AIG1: variants seen among roughly 807,000 people sequenced by gnomAD.
AIG1 encodes androgen induced 1, also known as androgen-induced gene 1 protein.
A neutral mutation model predicts 31.4 loss-of-function variants in AIG1; 23 were observed. That is an observed-to-expected ratio of 0.73 (90% CI 0.53 to 1.04). The LOEUF is 1.04. Ranked by LOEUF, AIG1 falls within the 50% of genes least tolerant of loss-of-function variation. AIG1 has a pLI of 0.00. For missense variants in AIG1, 274 were observed against 295.0 expected, an observed-to-expected ratio of 0.93 and a Z score of 0.52; for synonymous variants, 100 against 110.5, an observed-to-expected ratio of 0.90 and a Z score of 0.60.
intron 3 of AIG1, chr6:143,188,774 A>G (rs1363501965): frequency 2.0e-6 from 2 of 985,322 alleles, no homozygotes; most frequent in Non-Finnish European, 2.4e-6. Flanking sequence ...TAATCCTGGG[A>G]AACATACATC....
In AIG1 at chr6:143,293,989, A is replaced by G. The variant is rs1277005089; in HGVS notation, c.515+9764A>G. 6.6e-6 allele frequency among the ~76,000 whole-genome samples: 1 copy of G among 152,114 alleles called. No individual in the cohort carries two copies. Among genetic ancestry groups the G allele is most frequent in the Non-Finnish European group, 1.5e-5 (1 of 68,024 alleles). On this transcript the variant is annotated intron_variant, in intron 4 of 5. Transcript: ENST00000357847. The surrounding 1 kb of genome is among the most constrained non-coding windows in gnomAD (Gnocchi z 4.8). Reference sequence around the variant, plus strand: ...CCTGGCCTTTTATTTCACAGAGAAGATAAAAGACTCTAAACAGGGACTCCT... The same window carrying G: ...CCTGGCCTTTTATTTCACAGAGAAGGTAAAAGACTCTAAACAGGGACTCCT...
At chr6:143,227,603 G>A (rs1041970953) in intron 3 of AIG1, among the ~76,000 whole-genome samples, 9 of 152,208 alleles carry the variant, frequency 5.9e-5, no homozygotes, top group African/African-American at 1.9e-4. Flanking sequence ...TCCAAATATA[G>A]GCCAAAAGAG....
intron 4 of AIG1, among the ~76,000 whole-genome samples, chr6:143,322,319 A>G (rs952766053): frequency 1.3e-5 from 2 of 152,170 alleles, no homozygotes; most frequent in African/African-American, 4.8e-5. Flanking sequence ...AAAATATGGA[A>G]AATTATGATT....
At chr6:143,129,429 A>T (rs1783021221) in intron 1 of AIG1, among the ~76,000 whole-genome samples, 1 of 152,208 alleles carries the variant, frequency 6.6e-6, no homozygotes, top group East Asian at 1.9e-4. Flanking sequence ...AGTCCCAAGT[A>T]GGGGAGAACC....
At chr6:143,121,868 C>T (rs1364075053) in intron 1 of AIG1, among the ~76,000 whole-genome samples, 1 of 152,078 alleles carries the variant, frequency 6.6e-6, no homozygotes, top group East Asian at 1.9e-4. Flanking sequence ...ACTTGTTTTT[C>T]CTCGCTATCT....
At chr6:143,236,253 G>C (rs1391099078) in intron 3 of AIG1, among the ~76,000 whole-genome samples, 2 of 152,226 alleles carry the variant, frequency 1.3e-5, no homozygotes, top group Admixed American at 1.3e-4. Flanking sequence ...AGCCATCTGG[G>C]CTGGGGCCTG....
Position 143,333,524 on chromosome 6 carries a change from A to C in AIG1, c.679+79A>C, listed in dbSNP as rs550092927. On this transcript the variant is annotated intron_variant, in intron 5 of 5. Coordinates refer to ENST00000357847, the MANE Select transcript of AIG1 (RefSeq NM_016108.4). The surrounding 1 kb of genome is among the most constrained non-coding windows in gnomAD (Gnocchi z 4.6). The stretch of plus-strand genomic sequence containing the variant: ...TATGCAGAGACTGAGGGAAAATTCC[A>C]CTGTAGCCTCTTCTTTTAGCCTTCA... The C allele has an allele frequency of 9.1e-6, 13 of 1,435,330 alleles. 1 individual carries two copies. The South Asian group carries it at 1.2e-4, about 13-fold the overall frequency. The allele number at this position is 1,435,330 out of a possible 1,614,324, so 88.9% of individuals were successfully genotyped here.
intron 1 of AIG1, among the ~76,000 whole-genome samples, chr6:143,071,963 T>A (rs925990389): frequency 1.5e-5 from 2 of 133,706 alleles, no homozygotes; most frequent in South Asian, 3.5e-4. Context: ...TTTTTTTAAA[T>A]TTTTTTTTTG....
intron 1 of AIG1, among the ~76,000 whole-genome samples, chr6:143,093,181 T>C (rs1779461167): frequency 6.6e-6 from 1 of 152,246 alleles, no homozygotes; most frequent in African/African-American, 2.4e-5. Context: ...TTGTCTACAT[T>C]GAAAATCTGT....
Position 143,312,323 on chromosome 6 carries a change from A to AG in AIG1, c.516-20959_516-20958insG, listed in dbSNP as rs546167083. ...TGACTTCAAATTATACTACAGAGAT[A>AG]TATTAATGAAAACAGCATAGTACTG... On this transcript the variant is annotated intron_variant, in intron 4 of 5. Coordinates refer to ENST00000357847, the MANE Select transcript of AIG1 (RefSeq NM_016108.4). 4.5e-3 allele frequency among the ~76,000 whole-genome samples: 681 copies of AG among 152,282 alleles called. 2 individuals carry two copies. Among genetic ancestry groups the AG allele is most frequent in the African/African-American group, 0.015 (641 of 41,570 alleles).
chr6:143,232,719 G>C (rs1242608577), intron 3 of AIG1, among the ~76,000 whole-genome samples: 1 of 152,106 alleles, frequency 6.6e-6, no homozygotes, highest in Non-Finnish European at 1.5e-5. Context: ...CAGAATACAA[G>C]CTTCCCAAAT....
chr6:143,189,753 A>AT (rs749647013), intron 3 of AIG1: 34 of 985,066 alleles, frequency 3.5e-5, no homozygotes, highest in Non-Finnish European at 4.1e-5. Context: ...GAGCCCTCTT[A>AT]TATTAATATG....
chr6:143,219,516 G>A (rs958391528), intron 3 of AIG1, among the ~76,000 whole-genome samples: 4 of 152,092 alleles, frequency 2.6e-5, no homozygotes, highest in African/African-American at 9.7e-5. Context: ...GTCAATTGGT[G>A]ATTTTCAAGC....
intron 1 of AIG1, chr6:143,126,357 G>A (rs1411950249): frequency 1.3e-5 from 2 of 152,216 alleles, no homozygotes. Context: ...GTGTTCAGAT[G>A]TCTCAGGCAA....
chr6:143,084,846 A>G (rs889534608), intron 1 of AIG1, among the ~76,000 whole-genome samples: 2 of 152,018 alleles, frequency 1.3e-5, no homozygotes, highest in African/African-American at 4.8e-5. Context: ...ACCAATCTCC[A>G]TGTTCTGATT....
At chr6:143,124,232 G>C (rs940853118) in intron 1 of AIG1, among the ~76,000 whole-genome samples, 6 of 152,192 alleles carry the variant, frequency 3.9e-5, no homozygotes, top group Admixed American at 6.5e-5. Context: ...TCTCAGTAAA[G>C]AGCGCTGAAG....
Position 143,334,479 on chromosome 6 carries a change from A to T in AIG1, c.679+1034A>T, listed in dbSNP as rs1020188593. Among the ~76,000 whole-genome samples the T allele has an allele frequency of 5.9e-5, 9 of 152,224 alleles. No individual in the cohort carries two copies. Among genetic ancestry groups the T allele is most frequent in the African/African-American group, 1.9e-4 (8 of 41,456 alleles). On this transcript the variant is annotated intron_variant, in intron 5 of 5. Transcript: ENST00000357847. This position sits in a 1 kb window ranked among gnomAD's most constrained non-coding sequence, Gnocchi z 5.1. The stretch of plus-strand genomic sequence containing the variant: ...ATTGTATGTGTCAGGGTATTAGCCA[A>T]TGTTAAATGGCGCAGAGGAATTTGA...
intron 3 of AIG1, among the ~76,000 whole-genome samples, chr6:143,207,622 G>C (rs1177084997): frequency 4.6e-5 from 7 of 151,990 alleles, no homozygotes; most frequent in African/African-American, 1.7e-4. Context: ...GGTGGAACTA[G>C]TTCTTTGGGC....
intron 4 of AIG1, among the ~76,000 whole-genome samples, chr6:143,312,635 G>C (rs941617968): frequency 6.6e-6 from 1 of 151,980 alleles, no homozygotes; most frequent in Admixed American, 6.6e-5. Flanking sequence ...AATTCTCTAG[G>C]ACATTGGACT....
Sources: gnomAD v4.1 joint callset for allele counts (sites outside exome capture counted in the v4.1 genomes callset) on GRCh38, gnomAD v4.1.1 for gene constraint, Gnocchi (gnomAD v3.1) non-coding constraint, MANE v1.5 for transcripts, NCBI Gene and HGNC (gene_info 2026-07-23, HGNC 2026-07-21) for gene names.